Variants in ADAMTS9 observed in about 807,000 individuals in gnomAD.
ADAMTS9 encodes A disintegrin and metalloproteinase with thrombospondin motifs 9.
ADAMTS9 carries 107 observed loss-of-function variants against 257.1 expected under a neutral mutation model. That is an observed-to-expected ratio of 0.42 (90% CI 0.36 to 0.49). The LOEUF (loss-of-function observed/expected upper bound fraction) is 0.49. Ranked by LOEUF, ADAMTS9 falls within the 20% of genes least tolerant of loss-of-function variation. ADAMTS9 has a pLI of 0.03. For missense variants in ADAMTS9, 2,353 were observed against 2,469.1 expected (o/e 0.95, Z 1.00); for synonymous variants, 982 against 880.9 (o/e 1.11, Z -2.03).
chr3:64,650,008 A>C, intron 9 of ADAMTS9: 1 of 464,824 alleles, frequency 2.2e-6, no homozygotes, highest in Non-Finnish European at 3.8e-6. Flanking sequence ...TAGGAAATAT[A>C]CACCTGTTAC....
intron 39 of ADAMTS9, among the ~76,000 whole-genome samples, chr3:64,517,429 T>TTG (rs1559741976): frequency 7.7e-6 from 1 of 130,662 alleles, no homozygotes; most frequent in South Asian, 3.0e-4. Context: ...TTTTTTTTTT[T>TTG]TTTTTTTTTT....
chr3:64,539,867 A>G (rs1036755575), intron 36 of ADAMTS9, among the ~76,000 whole-genome samples: 3 of 152,206 alleles, frequency 2.0e-5, no homozygotes, highest in Non-Finnish European at 4.4e-5. Flanking sequence ...TTTATTTTTT[A>G]AAGAGCCAAT....
chr3:64,584,323 A>G (rs2084088939), intron 28 of ADAMTS9, among the ~76,000 whole-genome samples: 1 of 152,082 alleles, frequency 6.6e-6, no homozygotes, highest in Non-Finnish European at 1.5e-5. Context: ...AAAAAAATGC[A>G]CCATTCTCAG....
At chr3:64,536,049 C>G (rs905277802) in intron 37 of ADAMTS9, among the ~76,000 whole-genome samples, 5 of 152,150 alleles carry the variant, frequency 3.3e-5, no homozygotes, top group African/African-American at 1.2e-4. Flanking sequence ...TTCCGGAGGT[C>G]CAGGCGGCTG....
intron 14 of ADAMTS9, among the ~76,000 whole-genome samples, chr3:64,632,999 A>T (rs1700406972): frequency 6.6e-6 from 1 of 152,204 alleles, no homozygotes; most frequent in Non-Finnish European, 1.5e-5. Flanking sequence ...CCTTTCAAGA[A>T]TAATTAATTA....
chr3:64,678,856 G>C (rs1475446483), intron 3 of ADAMTS9, among the ~76,000 whole-genome samples: 1 of 152,204 alleles, frequency 6.6e-6, no homozygotes, highest in African/African-American at 2.4e-5. Flanking sequence ...AGCTGGAAGA[G>C]AGAGACCAGA....
Position 64,656,514 on chromosome 3 carries a change from C to A in ADAMTS9, c.970-639G>T, listed in dbSNP as rs576826797. Among the ~76,000 whole-genome samples, 203 of 152,246 alleles carry A rather than the reference C, an allele frequency of 1.3e-3. 3 individuals are homozygous for A. The highest frequency in any genetic ancestry group is 1.8e-4 in the Non-Finnish European group (12 of 68,030). On this transcript the variant is annotated intron_variant, in intron 4 of 39. Coordinates refer to ENST00000498707, the MANE Select transcript of ADAMTS9 (RefSeq NM_182920.2). Reference sequence around the variant, plus strand: ...AATTTCTGTTCAACAAATGAGGAAACTAAGTCACTCAGAGAAATTAAGTCA... The same window carrying A: ...AATTTCTGTTCAACAAATGAGGAAAATAAGTCACTCAGAGAAATTAAGTCA...
intron 30 of ADAMTS9, among the ~76,000 whole-genome samples, chr3:64,555,687 G>A (rs1318043585): frequency 2.6e-5 from 4 of 152,184 alleles, no homozygotes; most frequent in Admixed American, 6.5e-5. Context: ...CTGCAAAGGT[G>A]GGCCCAGGTA....
rs1398817906 is a variant in ADAMTS9 at position 64,651,060 on chromosome 3, T to A, written c.1420A>T (p.Met474Leu). 1 of 1,607,856 alleles carries A rather than the reference T, an allele frequency of 6.2e-7. No homozygotes were observed. Among genetic ancestry groups the A allele is most frequent in the East Asian group, 2.2e-5 (1 of 44,466 alleles). The change falls in exon 9 of 40, where the codon ATG becomes TTG. Residue 474 changes from methionine to leucine, a missense_variant. By Grantham distance (15) the Met-to-Leu change is conservative. Transcript: ENST00000498707. ...TATTTTCGACTACACTTTGACCACA[T>A]CCAGGGGTTGGTGTAGAAGTTCAGT... ...PTLNFYTNPW[M>L]WSKCSRKYIT...
chr3:64,528,540 G>A (rs898298010), intron 38 of ADAMTS9, among the ~76,000 whole-genome samples: 1 of 152,088 alleles, frequency 6.6e-6, no homozygotes, highest in Non-Finnish European at 1.5e-5. Flanking sequence ...CAACCAAGGG[G>A]TGTCTCACAC....
At chr3:64,604,460 C>T in intron 23 of ADAMTS9, 129 bp from the exon 24 acceptor site, 1 of 626,986 alleles carries the variant, frequency 1.6e-6, no homozygotes, top group Non-Finnish European at 2.6e-6. Flanking sequence ...TGAATCTGGG[C>T]AAGTCACATG....
chr3:64,603,815 G>C (rs1266125016), intron 25 of ADAMTS9, 107 bp downstream of exon 25: 8 of 1,264,546 alleles, frequency 6.3e-6, no homozygotes, highest in South Asian at 2.8e-5. Context: ...ATCCAGCTCT[G>C]AAATATTACC....
chr3:64,634,389 C>A (rs1700442520), intron 12 of ADAMTS9, among the ~76,000 whole-genome samples: 1 of 152,224 alleles, frequency 6.6e-6, no homozygotes. Flanking sequence ...TCCCTCTACT[C>A]CCTCTCTCCA....
intron 28 of ADAMTS9, among the ~76,000 whole-genome samples, chr3:64,586,090 T>C (rs967385174): frequency 1.3e-5 from 2 of 152,060 alleles, no homozygotes; most frequent in African/African-American, 4.8e-5. Context: ...AAATCCTAAA[T>C]TCAAATCCTG....
chr3:64,602,250 T>C, intron 25 of ADAMTS9, 37 bp from the exon 26 acceptor site: 1 of 1,602,824 alleles, frequency 6.2e-7, no homozygotes, highest in South Asian at 1.1e-5. Context: ...GGGTCAGTCA[T>C]TTGGTGGAGG....
chr3:64,533,249 A>G lies in ADAMTS9; in HGVS notation c.5635T>C (p.Tyr1879His), dbSNP rs1472621118. 2.5e-6 allele frequency: 4 copies of G among 1,614,016 alleles called. No homozygotes were observed. Among genetic ancestry groups the G allele is most frequent in the Non-Finnish European group, 3.4e-6 (4 of 1,179,996 alleles). The change falls in exon 38 of 40, where the codon TAT (tyrosine) becomes CAT (histidine). Residue 1879 changes from tyrosine to histidine, a missense_variant. Around this residue, in one of 3 missense-constraint regions of ADAMTS9, gnomAD observed 1,402 missense variants for 1,441.4 expected, o/e 0.97. Coordinates refer to ENST00000498707, the MANE Select transcript of ADAMTS9 (RefSeq NM_182920.2). ...TCAGTTAAAGACAAGCCGGTTCCATAAAGGTTGATGCTAAAACGACCCTGG... is the reference window on the plus strand; with the variant it reads ...TCAGTTAAAGACAAGCCGGTTCCATGAAGGTTGATGCTAAAACGACCCTGG... ...CPQGRFSINL[Y>H]GTGLSLTESA...
In ADAMTS9 at chr3:64,631,888, C is replaced by T. The variant is rs567830374; in HGVS notation, c.2213G>A (p.Arg738Gln). Residue 738 changes from arginine to glutamine, a missense_variant, in exon 15 of 40, where the codon CGG becomes CAG. Physicochemically the swap from Arg to Gln is conservative, Grantham distance 43. Coordinates refer to ENST00000498707, the MANE Select transcript of ADAMTS9 (RefSeq NM_182920.2). ...ACCACAAACCCCACATTTATCTCTC[C>T]GGGCTTTTGAGTTTAAAACATGATC... Reference protein sequence around the residue: ...GCDHVLNSKARRDKCGVCGGD... With the variant: ...GCDHVLNSKAQRDKCGVCGGD... 8.7e-6 allele frequency: 14 copies of T among 1,613,712 alleles called. No homozygotes were observed. The highest frequency in any genetic ancestry group is 1.7e-5 in the Admixed American group (1 of 59,932).
At chr3:64,621,786 A>G (rs1006882425) in intron 18 of ADAMTS9, among the ~76,000 whole-genome samples, 1 of 126,184 alleles carries the variant, frequency 7.9e-6, no homozygotes, top group Non-Finnish European at 1.5e-5. Context: ...ATAAAAAAAT[A>G]AAAAAATAAA....
At chr3:64,627,518 C>T (rs941248705) in intron 16 of ADAMTS9, among the ~76,000 whole-genome samples, 7 of 152,034 alleles carry the variant, frequency 4.6e-5, no homozygotes, top group African/African-American at 1.7e-4. Flanking sequence ...TAAAGAGATA[C>T]GAACATGGTG....
Sources: allele counts gnomAD v4.1 joint callset (sites outside exome capture counted in the v4.1 genomes callset), GRCh38; gene constraint gnomAD v4.1.1; regional missense constraint gnomAD v4.1.1; transcripts MANE v1.5; gene names NCBI Gene and HGNC (gene_info 2026-07-23, HGNC 2026-07-21).